The following PPP3CB variants were observed in gnomAD, a reference collection of about 807,000 sequenced individuals.
PPP3CB encodes protein phosphatase 3 catalytic subunit beta.
PPP3CB carries 8 observed loss-of-function variants against 66.4 expected under a neutral mutation model. That is an observed-to-expected ratio of 0.12 (90% CI 0.07 to 0.22). PPP3CB has a LOEUF of 0.22. Ranked by LOEUF, PPP3CB falls within the 10% of genes least tolerant of loss-of-function variation. The pLI is 1.00. For synonymous variants in PPP3CB, 208 were observed against 221.2 expected, an observed-to-expected ratio of 0.94 and a Z score of 0.53; for missense variants, 319 against 642.5, an observed-to-expected ratio of 0.50 and a Z score of 5.44.
intron 4 of PPP3CB, among the ~76,000 whole-genome samples, chr10:73,473,734 G>A (rs955814950): frequency 4.6e-5 from 7 of 151,860 alleles, no homozygotes; most frequent in Admixed American, 1.3e-4. Context: ...TGTAACATAT[G>A]GTTACTTACA....
At chr10:73,457,651 T>C (rs2056450445) in intron 9 of PPP3CB, among the ~76,000 whole-genome samples, 2 of 150,752 alleles carry the variant, frequency 1.3e-5, no homozygotes, top group African/African-American at 4.9e-5. Context: ...AGCAGGAGAA[T>C]CGCTTGAATC....
chr10:73,444,672 G>A (rs1343883014), intron 12 of PPP3CB, 53 bp downstream of exon 12: 5 of 1,611,262 alleles, frequency 3.1e-6, no homozygotes, highest in Non-Finnish European at 4.2e-6. Flanking sequence ...TAGCAAAAGA[G>A]TGAGGTGTGC....
At position 73,481,638 on chromosome 10, in the gene PPP3CB, A is replaced by C. The variant is rs189710699; in HGVS notation, c.86-2121T>G. On this transcript the variant is annotated intron_variant, in intron 1 of 13. Coordinates refer to ENST00000360663, the MANE Select transcript of PPP3CB (RefSeq NM_021132.4). ...ACTTAAAGTAACTAAAAAAAAACAAAAAAAAAAACTAGGTTAGATTCCTAT... is the reference window on the plus strand; with the variant it reads ...ACTTAAAGTAACTAAAAAAAAACAACAAAAAAAACTAGGTTAGATTCCTAT... Among the ~76,000 whole-genome samples the C allele has an allele frequency of 4.4e-3, 675 of 151,800 alleles. 5 individuals carry two copies. Among genetic ancestry groups the C allele is most frequent in the African/African-American group, 0.015 (613 of 41,402 alleles).
chr10:73,493,275 C>CAAAAAAAA (rs544990577), intron 1 of PPP3CB, among the ~76,000 whole-genome samples: 62 of 105,942 alleles, frequency 5.9e-4, no homozygotes, highest in African/African-American at 2.0e-3. Flanking sequence ...AACTCCGTCT[C>CAAAAAAAA]AAAAAAAAAA....
At chr10:73,440,227 A>C (rs1388883855) in intron 12 of PPP3CB, among the ~76,000 whole-genome samples, 1 of 152,224 alleles carries the variant, frequency 6.6e-6, no homozygotes, top group Non-Finnish European at 1.5e-5. Flanking sequence ...TGATGGCCTT[A>C]GAATTTTCCA....
chr10:73,458,843 G>A (rs1313545846), intron 9 of PPP3CB, among the ~76,000 whole-genome samples: 5 of 151,856 alleles, frequency 3.3e-5, no homozygotes, highest in African/African-American at 1.2e-4. Context: ...GATGAAGTGG[G>A]ACAATCACCT....
chr10:73,483,781 A>G (rs2056924172), intron 1 of PPP3CB, among the ~76,000 whole-genome samples: 2 of 152,216 alleles, frequency 1.3e-5, no homozygotes, highest in Admixed American at 1.3e-4. Flanking sequence ...GGCAAAAGAT[A>G]ACTGTCCAAA....
intron 4 of PPP3CB, among the ~76,000 whole-genome samples, chr10:73,474,436 T>A (rs117010265): frequency 0.082 from 11,280 of 137,458 alleles, 660 homozygotes; most frequent in East Asian, 0.3. Flanking sequence ...TGAAAAAAAA[T>A]TTTTTTTTTT....
intron 9 of PPP3CB, among the ~76,000 whole-genome samples, chr10:73,455,987 T>G (rs2056421804): frequency 6.6e-6 from 1 of 152,334 alleles, no homozygotes; most frequent in Non-Finnish European, 1.5e-5. Flanking sequence ...CACTGTGCCC[T>G]GGCACATGAC....
At chr10:73,485,953 T>TGTGTGTGTGTGTGTGTGTGTG (rs577772189) in intron 1 of PPP3CB, among the ~76,000 whole-genome samples, 1 of 140,494 alleles carries the variant, frequency 7.1e-6, no homozygotes, top group East Asian at 2.0e-4. Flanking sequence ...TGTGTGTGTA[T>TGTGTGTGTGTGTGTGTGTGTG]TTTTTTTTTT....
chr10:73,438,126 A>T lies in PPP3CB; in HGVS notation c.*116T>A. On this transcript the variant is annotated 3_prime_UTR_variant, in exon 14 of 14. Transcript: ENST00000360663. ...AAGGGGGCTAGGGTCTCAGAAGCAC[A>T]ATGGTTTCTTCAGAGAGACTGTGAA... 1 of 1,046,374 alleles carries T rather than the reference A, an allele frequency of 9.6e-7. No homozygotes were observed. Among genetic ancestry groups the T allele is most frequent in the Non-Finnish European group, 1.4e-6 (1 of 729,572 alleles). 64.8% of individuals were successfully genotyped at this position (1,046,374 alleles called of 1,614,324 possible).
chr10:73,474,409 A>C lies in PPP3CB; in HGVS notation c.523+510T>G, dbSNP rs1016971965. Among the ~76,000 whole-genome samples the C allele has an allele frequency of 1.2e-4, 19 of 152,094 alleles. 1 individual carries two copies. The highest frequency in any genetic ancestry group is 4.3e-4 in the African/African-American group (18 of 41,382). ...AAGTATGTTTGTAAAAGTTAAACAT[A>C]ATAAGAAATTCTGAAATGAAAAAAA... On this transcript the variant is annotated intron_variant, in intron 4 of 13. Transcript: ENST00000360663.
At chr10:73,443,258 G>A (rs1274216258) in intron 12 of PPP3CB, among the ~76,000 whole-genome samples, 4 of 112,208 alleles carry the variant, frequency 3.6e-5, no homozygotes, top group Non-Finnish European at 7.6e-5. Flanking sequence ...GAAAGAGAGA[G>A]AGAGAGAGAG....
In PPP3CB at chr10:73,445,383, C is replaced by T. The variant is rs76207490; in HGVS notation, c.1269-561G>A. On this transcript the variant is annotated intron_variant, in intron 11 of 13. Coordinates refer to ENST00000360663, the MANE Select transcript of PPP3CB (RefSeq NM_021132.4). Reference sequence around the variant, plus strand: ...GATACCAAAGATGAGCAATAACAATCACCAGAGTCAAAAATCTTAGCTTCA... The same window carrying T: ...GATACCAAAGATGAGCAATAACAATTACCAGAGTCAAAAATCTTAGCTTCA... Among the ~76,000 whole-genome samples the T allele has an allele frequency of 4.8e-3, 734 of 152,322 alleles. 3 individuals carry two copies. Among genetic ancestry groups the T allele is most frequent in the African/African-American group, 0.017 (699 of 41,568 alleles).
intron 3 of PPP3CB, among the ~76,000 whole-genome samples, chr10:73,475,593 C>A (rs2056772517): frequency 6.6e-6 from 1 of 152,150 alleles, no homozygotes; most frequent in African/African-American, 2.4e-5. Flanking sequence ...TGCCATGCTG[C>A]CCATGAAGGG....
intron 1 of PPP3CB, among the ~76,000 whole-genome samples, chr10:73,487,993 C>A (rs1333114268): frequency 1.3e-5 from 2 of 151,912 alleles, no homozygotes; most frequent in African/African-American, 4.8e-5. Flanking sequence ...GTTGGCCAGG[C>A]TGGTCTCGAA....
intron 1 of PPP3CB, among the ~76,000 whole-genome samples, chr10:73,483,080 C>A (rs1231312352): frequency 6.6e-6 from 1 of 152,208 alleles, no homozygotes; most frequent in Non-Finnish European, 1.5e-5. Flanking sequence ...ACTGTGAATG[C>A]TCTACTTCAA....
intron 10 of PPP3CB, among the ~76,000 whole-genome samples, chr10:73,449,444 G>T (rs1225478159): frequency 6.6e-6 from 1 of 152,126 alleles, no homozygotes; most frequent in Non-Finnish European, 1.5e-5. Context: ...AGCTGGGGTG[G>T]TTTCATTTGA....
chr10:73,483,288 G>C (rs1276185256), intron 1 of PPP3CB, among the ~76,000 whole-genome samples: 1 of 152,202 alleles, frequency 6.6e-6, no homozygotes, highest in Non-Finnish European at 1.5e-5. Flanking sequence ...ACCTACTCAT[G>C]AGTAGAGGTA....
Sources: allele counts gnomAD v4.1 joint callset (sites outside exome capture counted in the v4.1 genomes callset), GRCh38; gene constraint gnomAD v4.1.1; transcripts MANE v1.5; gene names NCBI Gene and HGNC (gene_info 2026-07-23, HGNC 2026-07-21).